MRPL22: variants seen among roughly 807,000 people sequenced by gnomAD.
MRPL22 encodes the protein large ribosomal subunit protein uL22m.
MRPL22 carries 27 observed loss-of-function variants against 32.4 expected under a neutral mutation model. The observed-to-expected ratio is 0.83, with a 90% confidence interval of 0.61 to 1.15. The LOEUF (loss-of-function observed/expected upper bound fraction) is 1.15, where lower values mean the gene tolerates loss of function less well. Among genes scored for constraint, MRPL22 ranks in the 50% most tolerant of loss-of-function variants. The probability of loss-of-function intolerance (pLI) is 0.00; values close to 1 mark genes in which losing one functional copy is unlikely to be tolerated. For missense variants in MRPL22, 239 were observed against 260.2 expected, an observed-to-expected ratio of 0.92 and a Z score of 0.56; for synonymous variants, 86 against 87.3, an observed-to-expected ratio of 0.99 and a Z score of 0.08.
chr5:154,941,154 T>C lies in MRPL22; in HGVS notation c.28+16T>C. 1.9e-6 allele frequency: 3 copies of C among 1,613,990 alleles called. No homozygotes were observed. The highest frequency in any genetic ancestry group is 2.2e-5 in the South Asian group (2 of 91,078). ...GGACAGTTGGGTAAGGATTTCTTAG[T>C]GGTTAAGCGACAGAAGGGAGTCGAG... is the stretch of plus-strand genomic sequence containing the variant. On this transcript the variant is annotated intron_variant, in intron 1 of 6. Transcript: ENST00000523037.
At chr5:154,948,050 G>A (rs772582026) in intron 2 of MRPL22, among the ~76,000 whole-genome samples, 2 of 152,176 alleles carry the variant, frequency 1.3e-5, no homozygotes, top group African/African-American at 2.4e-5. Flanking sequence ...TCTGGACTTC[G>A]TATTGTGGGC....
intron 5 of MRPL22, chr5:154,958,927 C>T (rs1340595560): frequency 6.6e-6 from 1 of 152,032 alleles, no homozygotes; most frequent in Non-Finnish European, 1.5e-5. Context: ...TAATTAACCT[C>T]TTCAAGGAAA....
chr5:154,966,578 A>G (rs1244689366), intron 6 of MRPL22, 108 bp from the exon 7 acceptor site: 1 of 1,138,960 alleles, frequency 8.8e-7, no homozygotes, highest in Non-Finnish European at 1.3e-6. Flanking sequence ...CCAACCAGTG[A>G]GCCCATGTAA....
At chr5:154,963,151 C>T (rs1331100396) in intron 6 of MRPL22, among the ~76,000 whole-genome samples, 1 of 152,180 alleles carries the variant, frequency 6.6e-6, no homozygotes. Context: ...GTTGGCCAGG[C>T]TGGTCTCGAA....
rs146278682 is a variant in MRPL22, at chr5:154,960,048, A to C, written c.408A>C (p.Ile136=). The change falls in exon 6 of 7, where the codon ATA becomes ATC. Residue 136 remains isoleucine, a splice_region_variant and synonymous_variant. Transcript: ENST00000523037. ...TGGAATTCAGGTCCAATTTATATAT[A>C]GGTAAGATTTTTAATATTCTTAGCA... is the stretch of plus-strand genomic sequence containing the variant. ...HNVEFRSNLY[I]AESTSGRGQC... 13 of 1,599,460 alleles carry C rather than the reference A, an allele frequency of 8.1e-6. No individual in the cohort carries two copies. Among genetic ancestry groups the C allele is most frequent in the Non-Finnish European group, 1.0e-5 (12 of 1,167,740 alleles).
intron 6 of MRPL22, among the ~76,000 whole-genome samples, chr5:154,963,324 T>G (rs1393261822): frequency 6.6e-6 from 1 of 152,250 alleles, no homozygotes; most frequent in African/African-American, 2.4e-5. Context: ...TTTTGAGATA[T>G]CTTAATGTAT....
chr5:154,966,104 A>T (rs901434203), intron 6 of MRPL22, among the ~76,000 whole-genome samples: 2 of 152,114 alleles, frequency 1.3e-5, no homozygotes, highest in Non-Finnish European at 2.9e-5. Flanking sequence ...CCCTAGCTTT[A>T]TCTCTAATCT....
At chr5:154,964,957 C>T (rs2644747) in intron 6 of MRPL22, among the ~76,000 whole-genome samples, 5,330 of 152,126 alleles carry the variant, frequency 0.035, 129 homozygotes, top group African/African-American at 0.067. Context: ...CCAGGGGACG[C>T]GCCGTGATGG....
chr5:154,956,593 G>A (rs1764634004), intron 4 of MRPL22, 157 bp downstream of exon 4: 2 of 579,892 alleles, frequency 3.4e-6, no homozygotes, highest in South Asian at 2.4e-5. Flanking sequence ...GTTCAGAGAT[G>A]TATGATTTTC....
chr5:154,963,294 A>G (rs1764727423), intron 6 of MRPL22, among the ~76,000 whole-genome samples: 1 of 152,204 alleles, frequency 6.6e-6, no homozygotes, highest in African/African-American at 2.4e-5. Flanking sequence ...TATCTATAGA[A>G]AAACACAGGT....
At chr5:154,958,170 C>T (rs1194284306) in intron 5 of MRPL22, among the ~76,000 whole-genome samples, 1 of 152,166 alleles carries the variant, frequency 6.6e-6, no homozygotes, top group Non-Finnish European at 1.5e-5. Flanking sequence ...CCGCCCACCT[C>T]AGCCTCCCAA....
chr5:154,955,022 C>G (rs1764613406), intron 3 of MRPL22, among the ~76,000 whole-genome samples: 1 of 151,872 alleles, frequency 6.6e-6, no homozygotes, highest in African/African-American at 2.4e-5. Context: ...TCTCGATCTC[C>G]TGACCTTGTG....
chr5:154,958,853 A>G (rs149654774), intron 5 of MRPL22, among the ~76,000 whole-genome samples: 195 of 152,094 alleles, frequency 1.3e-3, no homozygotes, highest in African/African-American at 4.2e-3. Context: ...CCCAATTGTC[A>G]TATTTTTACA....
chr5:154,966,635 G>A, intron 6 of MRPL22, 51 bp from the exon 7 acceptor site: 1 of 1,589,988 alleles, frequency 6.3e-7, no homozygotes, highest in Non-Finnish European at 8.6e-7. Context: ...CAGCTGATCA[G>A]GCTTGTGGAT....
In MRPL22 at chr5:154,950,899, T is replaced by G. The variant is rs534686316; in HGVS notation, c.156T>G (p.Val52=). 3 of 1,613,742 alleles carry G rather than the reference T, an allele frequency of 1.9e-6. No individual in the cohort carries two copies. The highest frequency in any genetic ancestry group is 1.3e-5 in the African/African-American group (1 of 75,066). ...SRKWEKKNKI[V]YPPQLPGEPR... ...AATGGGAGAAGAAGAATAAAATTGT[T>G]TATCCTCCACAACTGCCTGGAGAAC... Residue 52 remains valine (V), a synonymous_variant, in exon 3 of 7, where the codon GTT becomes GTG. Coordinates refer to ENST00000523037, the MANE Select transcript of MRPL22 (RefSeq NM_014180.4).
intron 3 of MRPL22, among the ~76,000 whole-genome samples, chr5:154,952,591 A>G (rs1380560881): frequency 6.6e-6 from 1 of 152,222 alleles, no homozygotes; most frequent in Non-Finnish European, 1.5e-5. Flanking sequence ...GGAAATATGA[A>G]CATTTTCTGA....
chr5:154,959,786 ATT>A (rs1561742007), intron 5 of MRPL22, among the ~76,000 whole-genome samples, 192 bp from the exon 6 acceptor site: 2 of 152,180 alleles, frequency 1.3e-5, no homozygotes, highest in Admixed American at 6.5e-5. Flanking sequence ...TGTTCTATGC[ATT>A]TACACTTCTT....
chr5:154,949,002 A>G (rs1339211499), intron 2 of MRPL22, among the ~76,000 whole-genome samples: 1 of 152,190 alleles, frequency 6.6e-6, no homozygotes, highest in Non-Finnish European at 1.5e-5. Context: ...CTTGTTGGGC[A>G]TCCACAAGTT....
At chr5:154,951,125 A>T (rs1764555642) in intron 3 of MRPL22, among the ~76,000 whole-genome samples, 187 bp downstream of exon 3, 1 of 152,210 alleles carries the variant, frequency 6.6e-6, no homozygotes, top group Non-Finnish European at 1.5e-5. Context: ...ATTTGTCTTT[A>T]CTTAACCTCC....
Sources: gnomAD v4.1 joint callset for allele counts (sites outside exome capture counted in the v4.1 genomes callset) on GRCh38, gnomAD v4.1.1 for gene constraint, MANE v1.5 for transcripts, NCBI Gene and HGNC (gene_info 2026-07-23, HGNC 2026-07-21) for gene names.